SLC25A13: variants seen among roughly 807,000 people sequenced by gnomAD.
SLC25A13 encodes the protein electrogenic aspartate/glutamate antiporter SLC25A13, mitochondrial.
A neutral mutation model predicts 85.5 loss-of-function variants in SLC25A13; 70 were observed. The ratio of observed to expected loss-of-function variants is 0.82; its 90% CI spans 0.68 to 1.00. The LOEUF is 1.00. Among genes scored for constraint, SLC25A13 ranks in the 50% least tolerant of loss-of-function variants. SLC25A13 has a pLI of 0.00. For synonymous variants in SLC25A13, 259 were observed against 288.7 expected (o/e 0.90, Z 1.04); for missense variants, 765 against 819.8 (o/e 0.93, Z 0.82).
At chr7:96,246,461 T>C (rs1364262576) in intron 3 of SLC25A13, among the ~76,000 whole-genome samples, 3 of 145,472 alleles carry the variant, frequency 2.1e-5, no homozygotes, top group Non-Finnish European at 4.5e-5. Context: ...AAAAGGCACA[T>C]AAGCATAGGC....
intron 13 of SLC25A13, among the ~76,000 whole-genome samples, chr7:96,160,037 C>G (rs545543536): frequency 6.6e-6 from 1 of 152,292 alleles, no homozygotes; most frequent in Non-Finnish European, 1.5e-5. Context: ...CATTTGGGGT[C>G]TGCCTGTTAT....
chr7:96,186,258 C>T (rs1003190199), intron 9 of SLC25A13, among the ~76,000 whole-genome samples: 1 of 152,038 alleles, frequency 6.6e-6, no homozygotes, highest in Non-Finnish European at 1.5e-5. Flanking sequence ...GGAGAAACCC[C>T]GTCTCTTCTA....
intron 4 of SLC25A13, among the ~76,000 whole-genome samples, chr7:96,209,732 AAAAC>A (rs774305133): frequency 2.0e-5 from 3 of 152,200 alleles, no homozygotes; most frequent in African/African-American, 4.8e-5. Flanking sequence ...TGACAGAGAA[AAAAC>A]AAACAAACAA....
chr7:96,163,772 A>G (rs1359223692), intron 13 of SLC25A13, among the ~76,000 whole-genome samples: 1 of 152,190 alleles, frequency 6.6e-6, no homozygotes. Flanking sequence ...AGAAGACCAG[A>G]GATTTCAGGA....
At chr7:96,159,162 T>A (rs1041841968) in intron 13 of SLC25A13, among the ~76,000 whole-genome samples, 4 of 152,180 alleles carry the variant, frequency 2.6e-5, no homozygotes, top group African/African-American at 7.2e-5. Flanking sequence ...TGAAGGGAAG[T>A]GTGTTGGGCT....
At chr7:96,167,792 T>C (rs1170041263) in intron 13 of SLC25A13, among the ~76,000 whole-genome samples, 2 of 152,280 alleles carry the variant, frequency 1.3e-5, no homozygotes, top group African/African-American at 4.8e-5. Flanking sequence ...CAAAGAAAGA[T>C]GCTGCTATTA....
chr7:96,224,636 CA>C (rs1252366435), intron 4 of SLC25A13, among the ~76,000 whole-genome samples: 1 of 152,198 alleles, frequency 6.6e-6, no homozygotes, highest in South Asian at 2.1e-4. Context: ...TAGCTGGAAC[CA>C]AGGCAACTTT....
intron 2 of SLC25A13, among the ~76,000 whole-genome samples, chr7:96,293,137 C>A (rs1799193759): frequency 6.6e-6 from 1 of 152,180 alleles, no homozygotes; most frequent in African/African-American, 2.4e-5. Flanking sequence ...ACATCTACAA[C>A]CATCTGATCT....
intron 14 of SLC25A13, among the ~76,000 whole-genome samples, chr7:96,140,006 T>G (rs1792459059): frequency 7.5e-6 from 1 of 132,762 alleles, no homozygotes. Context: ...TCGCCCAGGC[T>G]GGAGTGCAGT....
At chr7:96,225,804 TA>T (rs902996681) in intron 4 of SLC25A13, among the ~76,000 whole-genome samples, 2 of 152,214 alleles carry the variant, frequency 1.3e-5, no homozygotes, top group African/African-American at 4.8e-5. Context: ...TAGCCTGCTT[TA>T]CATACAAACA....
intron 14 of SLC25A13, among the ~76,000 whole-genome samples, chr7:96,137,335 C>T (rs1359437554): frequency 6.6e-6 from 1 of 152,212 alleles, no homozygotes; most frequent in Non-Finnish European, 1.5e-5. Flanking sequence ...ATATGAATGA[C>T]TATTACTTGG....
At chr7:96,226,273 T>C (rs936181085) in intron 4 of SLC25A13, among the ~76,000 whole-genome samples, 1 of 152,158 alleles carries the variant, frequency 6.6e-6, no homozygotes, top group African/African-American at 2.4e-5. Flanking sequence ...CATGTAATAT[T>C]TGTCTTCTGT....
At chr7:96,142,208 A>G (rs1410700456) in intron 14 of SLC25A13, among the ~76,000 whole-genome samples, 2 of 152,150 alleles carry the variant, frequency 1.3e-5, no homozygotes, top group Non-Finnish European at 2.9e-5. Flanking sequence ...TTGGGCTTCT[A>G]TTAATCCTGT....
At chr7:96,197,070 GAA>G (rs1437744443) in intron 5 of SLC25A13, among the ~76,000 whole-genome samples, 1 of 152,154 alleles carries the variant, frequency 6.6e-6, no homozygotes, top group Non-Finnish European at 1.5e-5. Flanking sequence ...AGTAAAGCTG[GAA>G]TTCAAGCCTC....
chr7:96,235,257 T>G (rs1188263786), intron 3 of SLC25A13, among the ~76,000 whole-genome samples: 1 of 152,220 alleles, frequency 6.6e-6, no homozygotes. Context: ...GACTAAGATG[T>G]GACTGCCTAA....
At chr7:96,185,413 C>T (rs1258534315) in intron 9 of SLC25A13, among the ~76,000 whole-genome samples, 1 of 151,218 alleles carries the variant, frequency 6.6e-6, no homozygotes, top group African/African-American at 2.4e-5. Context: ...GCCTGGATAA[C>T]ATGGTGAAAG....
rs149120376 is a variant in SLC25A13 at position 96,214,652 on chromosome 7, G to A, written c.329-5675C>T. 9.7e-3 allele frequency among the ~76,000 whole-genome samples: 1,482 copies of A among 152,162 alleles called. 28 individuals are homozygous for A. The highest frequency in any genetic ancestry group is 0.034 in the African/African-American group (1,420 of 41,504). Reference sequence around the variant, plus strand: ...TGAGGCAGGAGAATGGCGTGAACCCGGAAGGCGGAGCTTGCAGTGAGTGGA... The same window carrying A: ...TGAGGCAGGAGAATGGCGTGAACCCAGAAGGCGGAGCTTGCAGTGAGTGGA... On this transcript the variant is annotated intron_variant, in intron 4 of 17. Coordinates refer to ENST00000265631, the MANE Select transcript of SLC25A13 (RefSeq NM_014251.3).
At chr7:96,297,402 C>T (rs140859799) in intron 1 of SLC25A13, among the ~76,000 whole-genome samples, 1 of 151,726 alleles carries the variant, frequency 6.6e-6, no homozygotes, top group African/African-American at 2.4e-5. Context: ...GGTGCAATCT[C>T]GGCTCACTGC....
intron 3 of SLC25A13, among the ~76,000 whole-genome samples, chr7:96,243,732 T>C (rs1407188965): frequency 1.3e-5 from 2 of 151,968 alleles, no homozygotes; most frequent in Non-Finnish European, 2.9e-5. Context: ...AGGACAGGGA[T>C]GTGAGGAGAA....
Sources: allele counts gnomAD v4.1 joint callset (sites outside exome capture counted in the v4.1 genomes callset), GRCh38; gene constraint gnomAD v4.1.1; transcripts MANE v1.5; gene names NCBI Gene and HGNC (gene_info 2026-07-23, HGNC 2026-07-21).